ZNF730: variants seen among roughly 807,000 people sequenced by gnomAD.
ZNF730 encodes the protein putative zinc finger protein 730.
ZNF730 carries 12 observed loss-of-function variants against 12.6 expected under a neutral mutation model. That is an observed-to-expected ratio of 0.95 (90% CI 0.61 to 1.54). The LOEUF is 1.54. Among genes scored for constraint, ZNF730 ranks in the 40% most tolerant of loss-of-function variants. The probability of loss-of-function intolerance (pLI) is 0.00; values close to 1 mark genes in which losing one functional copy is unlikely to be tolerated. For missense variants in ZNF730, 643 were observed against 583.5 expected (o/e 1.10, Z -1.05); for synonymous variants, 194 against 195.8 (o/e 0.99, Z 0.08).
intron 1 of ZNF730, among the ~76,000 whole-genome samples, chr19:23,102,788 G>T (rs752628483): frequency 2.2e-4 from 33 of 152,140 alleles, no homozygotes; most frequent in Non-Finnish European, 4.3e-4. Context: ...GAGCCACCGT[G>T]CCCGGCCACA....
intron 1 of ZNF730, among the ~76,000 whole-genome samples, chr19:23,102,490 T>C (rs74798912): frequency 6.6e-6 from 1 of 151,058 alleles, no homozygotes; most frequent in South Asian, 2.1e-4. Flanking sequence ...TTTTTTTTTT[T>C]ATTTTATTTA....
intron 1 of ZNF730, among the ~76,000 whole-genome samples, chr19:23,093,334 C>G (rs192377743): frequency 1.1e-3 from 174 of 152,288 alleles, no homozygotes; most frequent in Non-Finnish European, 2.0e-3. Flanking sequence ...CTTTTTACAT[C>G]TGGTGGAATT....
chr19:23,097,734 A>G (rs1970276549), intron 1 of ZNF730, among the ~76,000 whole-genome samples: 1 of 151,970 alleles, frequency 6.6e-6, no homozygotes, highest in Admixed American at 6.6e-5. Flanking sequence ...TTCCACGGGG[A>G]TGATTGTGTC....
intron 2 of ZNF730, among the ~76,000 whole-genome samples, chr19:23,135,437 A>G (rs1007536426): frequency 1.3e-5 from 2 of 151,804 alleles, no homozygotes; most frequent in African/African-American, 4.8e-5. Context: ...CAATTTTTGA[A>G]TTAGTACAAA....
intron 1 of ZNF730, chr19:23,123,057 G>A (rs538411888): frequency 1.3e-5 from 2 of 152,264 alleles, no homozygotes; most frequent in East Asian, 3.9e-4. Context: ...GAATTTGAAT[G>A]CTGCTTTTAC....
intron 1 of ZNF730, among the ~76,000 whole-genome samples, chr19:23,093,456 C>T (rs554005335): frequency 5.7e-4 from 87 of 152,316 alleles, no homozygotes; most frequent in African/African-American, 2.0e-3. Context: ...GGACGGCATG[C>T]TGCATGGTGG....
At position 23,134,214 on chromosome 19, in the gene ZNF730, TA is replaced by T; in HGVS notation, c.130+10del. The T allele has an allele frequency of 6.3e-7, 1 of 1,595,470 alleles. No individual in the cohort carries two copies. ...GAAACCTGGTCTTCCTGGGTGAGGA[TA>T]ACTTTAATATACAATTCCTAATATA... On this transcript the variant is annotated intron_variant, in intron 2 of 3. Coordinates refer to ENST00000597761, the MANE Select transcript of ZNF730 (RefSeq NM_001277403.2).
intron 1 of ZNF730, among the ~76,000 whole-genome samples, chr19:23,099,392 GGCCAAGCACAGA>G (rs1414915590): frequency 6.6e-6 from 1 of 152,138 alleles, no homozygotes; most frequent in East Asian, 1.9e-4. Flanking sequence ...GTCTTGACAG[GGCCAAGCACAGA>G]GGTGAGATTG....
chr19:23,143,701 G>C (rs116795456), intron 3 of ZNF730: 2 of 152,080 alleles, frequency 1.3e-5, no homozygotes, highest in Non-Finnish European at 2.9e-5. Context: ...TTTGCTGATG[G>C]TGTTACTCTC....
At chr19:23,118,017 C>G (rs1211991641) in intron 1 of ZNF730, among the ~76,000 whole-genome samples, 1 of 152,046 alleles carries the variant, frequency 6.6e-6, no homozygotes, top group African/African-American at 2.4e-5. Context: ...GGTCTCAAGT[C>G]TACCCCTCAA....
Position 23,146,405 on chromosome 19 carries a change from G to A in ZNF730, c.1361G>A (p.Cys454Tyr). ...RIHTGEKPYE[C>Y]EECGKAFNRS... ...CATACTGGAGAGAAACCCTATGAAT[G>A]TGAAGAATGTGGCAAAGCTTTTAAC... is the stretch of plus-strand genomic sequence containing the variant. The change falls in exon 4 of 4, where the codon TGT (cysteine) becomes TAT (tyrosine). Residue 454 changes from cysteine (C) to tyrosine (Y), a missense_variant. Physicochemically the swap from Cys to Tyr is radical, Grantham distance 194. Transcript: ENST00000597761. 1.9e-6 allele frequency: 3 copies of A among 1,613,272 alleles called. No individual in the cohort carries two copies. Among genetic ancestry groups the A allele is most frequent in the African/African-American group, 1.3e-5 (1 of 74,996 alleles).
At chr19:23,117,227 C>G in intron 1 of ZNF730, 51 bp downstream of exon 1, 1 of 1,613,298 alleles carries the variant, frequency 6.2e-7, no homozygotes, top group African/African-American at 1.3e-5. Flanking sequence ...CTGGTTGGAA[C>G]CGGTGGGAAG....
At chr19:23,083,019 C>T (rs1229041677) in intron 1 of ZNF730, among the ~76,000 whole-genome samples, 1 of 151,878 alleles carries the variant, frequency 6.6e-6, no homozygotes, top group African/African-American at 2.4e-5. Flanking sequence ...ATTCATTTAT[C>T]TGTTGCTATA....
intron 1 of ZNF730, among the ~76,000 whole-genome samples, chr19:23,079,023 C>A (rs1240643917): frequency 2.0e-5 from 3 of 152,084 alleles, no homozygotes; most frequent in Non-Finnish European, 4.4e-5. Flanking sequence ...CCAGGCTGAT[C>A]TCGAACTCCT....
intron 3 of ZNF730, among the ~76,000 whole-genome samples, chr19:23,137,711 A>G (rs1970853856): frequency 6.6e-6 from 1 of 152,222 alleles, no homozygotes; most frequent in African/African-American, 2.4e-5. Context: ...ACTGGCTTCA[A>G]GATGTAAAGA....
At chr19:23,128,218 G>A in intron 1 of ZNF730, 1 of 756,910 alleles carries the variant, frequency 1.3e-6, no homozygotes, top group East Asian at 2.5e-5. Context: ...CCCTGGTTAT[G>A]ATTCTGAAAG....
chr19:23,080,847 C>CT (rs552923947), intron 1 of ZNF730, among the ~76,000 whole-genome samples: 1,877 of 125,048 alleles, frequency 0.015, 32 homozygotes, highest in Admixed American at 0.03. Flanking sequence ...TTTTTCTTTT[C>CT]TTTTTTTTTT....
chr19:23,094,725 C>G (rs1056068777), intron 1 of ZNF730, among the ~76,000 whole-genome samples: 1 of 152,126 alleles, frequency 6.6e-6, no homozygotes, highest in Non-Finnish European at 1.5e-5. Context: ...CCACCCACCT[C>G]GGCCTCCCAG....
chr19:23,085,915 G>A (rs1339882251), intron 1 of ZNF730, among the ~76,000 whole-genome samples: 8 of 133,238 alleles, frequency 6.0e-5, no homozygotes, highest in Non-Finnish European at 1.2e-4. Context: ...GCACGATCTC[G>A]GCTCACTGCA....
Sources: allele counts gnomAD v4.1 joint callset (sites outside exome capture counted in the v4.1 genomes callset), GRCh38; gene constraint gnomAD v4.1.1; transcripts MANE v1.5; gene names NCBI Gene and HGNC (gene_info 2026-07-23, HGNC 2026-07-21).